Variants in PACRG observed in about 807,000 individuals in gnomAD.
The protein encoded by PACRG is parkin coregulated.
In PACRG, 29 loss-of-function variants were observed where a neutral mutation model predicts 29.7. That is an observed-to-expected ratio of 0.98 (90% CI 0.73 to 1.33). The LOEUF is 1.33. Ranked by LOEUF, PACRG falls within the 40% of genes most tolerant of loss-of-function variation. The pLI is 0.00. For missense variants in PACRG, 279 were observed against 316.2 expected (o/e 0.88, Z 0.89); for synonymous variants, 116 against 118.7 (o/e 0.98, Z 0.15).
chr6:162,935,402 T>G, intron 2 of PACRG, among the ~76,000 whole-genome samples: 1 of 151,294 alleles, frequency 6.6e-6, no homozygotes, highest in East Asian at 1.9e-4. Context: ...CTTTTTTTTT[T>G]TTTTTTTGAC....
chr6:163,275,784 A>G (rs551448265), intron 4 of PACRG, among the ~76,000 whole-genome samples: 10 of 152,204 alleles, frequency 6.6e-5, no homozygotes, highest in African/African-American at 2.4e-4. Context: ...AGATTTTCCA[A>G]CTAAGCTCTC....
intron 4 of PACRG, chr6:163,312,653 T>C (rs185078685): frequency 2.7e-4 from 79 of 288,126 alleles, no homozygotes; most frequent in Non-Finnish European, 2.5e-4. Context: ...ATTTACATGT[T>C]TGTTTTTACA....
At chr6:163,058,508 C>T (rs932240222) in intron 2 of PACRG, among the ~76,000 whole-genome samples, 2 of 152,148 alleles carry the variant, frequency 1.3e-5, no homozygotes, top group African/African-American at 2.4e-5. Context: ...CGTGGTTCCT[C>T]ATGCCTGTAA....
intron 4 of PACRG, among the ~76,000 whole-genome samples, chr6:163,279,271 T>C (rs1784151238): frequency 6.6e-6 from 1 of 152,204 alleles, no homozygotes; most frequent in African/African-American, 2.4e-5. Context: ...ACCATCATTA[T>C]CAGCAGCAAA....
intron 1 of PACRG, among the ~76,000 whole-genome samples, chr6:162,759,563 A>G (rs1337020002): frequency 6.6e-6 from 1 of 152,224 alleles, no homozygotes; most frequent in Non-Finnish European, 1.5e-5. Context: ...TCATTTTCTT[A>G]GGAATTATTC....
chr6:163,109,550 T>C (rs1815592754), intron 4 of PACRG, among the ~76,000 whole-genome samples: 1 of 152,232 alleles, frequency 6.6e-6, no homozygotes, highest in Admixed American at 6.5e-5. Flanking sequence ...TCTATCTTTA[T>C]AATCTCTTAA....
chr6:163,127,776 G>A (rs1409137801), intron 4 of PACRG, among the ~76,000 whole-genome samples: 1 of 152,196 alleles, frequency 6.6e-6, no homozygotes, highest in Non-Finnish European at 1.5e-5. Context: ...AGGACACAAT[G>A]TGCCATAACT....
chr6:163,105,311 C>T (rs889676793), intron 4 of PACRG, among the ~76,000 whole-genome samples: 3 of 151,956 alleles, frequency 2.0e-5, no homozygotes, highest in Non-Finnish European at 2.9e-5. Context: ...TAAAAACCTG[C>T]GAGACACAAT....
intron 2 of PACRG, among the ~76,000 whole-genome samples, chr6:162,926,968 A>T (rs1797489721): frequency 6.6e-6 from 1 of 151,848 alleles, no homozygotes; most frequent in African/African-American, 2.4e-5. Context: ...AGAAAAAACA[A>T]ACAACTCCAT....
intron 3 of PACRG, among the ~76,000 whole-genome samples, chr6:163,081,991 A>G (rs1449441155): frequency 2.0e-5 from 3 of 152,218 alleles, no homozygotes; most frequent in Non-Finnish European, 4.4e-5. Context: ...TAATATCATT[A>G]CATATAAAAT....
Position 162,791,046 on chromosome 6 carries a change from G to A in PACRG, c.157-23101G>A, listed in dbSNP as rs577864172. Among the ~76,000 whole-genome samples, 4 of 152,326 alleles carry A rather than the reference G, an allele frequency of 2.6e-5. 1 individual carries two copies. The South Asian group carries it at 8.3e-4, about 32-fold the overall frequency. ...AATGAACAAAAGATATTTCTAGCCA[G>A]TTGTGTCTCCTAGAATGTACTGTAG... On this transcript the variant is annotated intron_variant, in intron 1 of 4. Coordinates refer to ENST00000366888, the MANE Select transcript of PACRG (RefSeq NM_001080379.2).
chr6:163,159,417 A>G (rs942219966), intron 4 of PACRG, among the ~76,000 whole-genome samples: 1 of 151,666 alleles, frequency 6.6e-6, no homozygotes, highest in African/African-American at 2.4e-5. Flanking sequence ...AAGTAAATTC[A>G]TGTGCTGTAA....
intron 4 of PACRG, 154 bp downstream of exon 4, chr6:163,089,562 G>C (rs1000566519): frequency 1.1e-6 from 1 of 900,272 alleles, no homozygotes; most frequent in African/African-American, 1.7e-5. Context: ...GCCTTCTCCA[G>C]CTACTCCCTA....
intron 1 of PACRG, among the ~76,000 whole-genome samples, chr6:162,752,321 A>G (rs371887580): frequency 6.6e-6 from 1 of 152,188 alleles, no homozygotes; most frequent in South Asian, 2.1e-4. Flanking sequence ...AAGACTGACC[A>G]AAAGAATGAA....
At chr6:162,860,681 A>G (rs1393043619) in intron 2 of PACRG, among the ~76,000 whole-genome samples, 1 of 152,230 alleles carries the variant, frequency 6.6e-6, no homozygotes, top group African/African-American at 2.4e-5. Context: ...TGATTGGTCA[A>G]TGTATTGTTG....
intron 4 of PACRG, among the ~76,000 whole-genome samples, chr6:163,125,894 T>C (rs1278699911): frequency 6.6e-6 from 1 of 152,252 alleles, no homozygotes; most frequent in Non-Finnish European, 1.5e-5. Flanking sequence ...AATATTTCTG[T>C]GCAGCATTTT....
At chr6:163,102,065 C>T (rs964572760) in intron 4 of PACRG, among the ~76,000 whole-genome samples, 7 of 152,160 alleles carry the variant, frequency 4.6e-5, no homozygotes, top group African/African-American at 9.7e-5. Context: ...GAGCCTCGCC[C>T]GGTGAACCTG....
At chr6:163,016,430 C>T (rs948810352) in intron 2 of PACRG, among the ~76,000 whole-genome samples, 18 of 151,324 alleles carry the variant, frequency 1.2e-4, no homozygotes, top group African/African-American at 4.4e-4. Context: ...ATTCCAGAGT[C>T]AAGATTTTTT....
At chr6:162,767,466 G>A (rs1045318310) in intron 1 of PACRG, among the ~76,000 whole-genome samples, 2 of 149,840 alleles carry the variant, frequency 1.3e-5, no homozygotes, top group South Asian at 4.2e-4. Flanking sequence ...GCTTTCTTTT[G>A]TTTAACGTTT....
Sources: allele counts gnomAD v4.1 joint callset (sites outside exome capture counted in the v4.1 genomes callset), GRCh38; gene constraint gnomAD v4.1.1; transcripts MANE v1.5; gene names NCBI Gene and HGNC (gene_info 2026-07-23, HGNC 2026-07-21).